The following RIMS1 variants were observed in gnomAD, a reference collection of about 807,000 sequenced individuals.
RIMS1 encodes regulating synaptic membrane exocytosis 1.
Under a neutral mutation model 214.1 loss-of-function variants are expected in RIMS1, and 83 were observed. The observed-to-expected ratio is 0.39, with a 90% CI of 0.32 to 0.47. RIMS1 has a LOEUF of 0.47. Among genes scored for constraint, RIMS1 ranks in the 20% least tolerant of loss-of-function variants. The pLI is 0.99. For missense variants in RIMS1, 2,050 were observed against 2,161.8 expected (o/e 0.95, Z 1.03); for synonymous variants, 793 against 786.8 (o/e 1.01, Z -0.13).
chr6:72,278,570 G>T (rs192317954), intron 23 of RIMS1, among the ~76,000 whole-genome samples: 8 of 152,176 alleles, frequency 5.3e-5, no homozygotes, highest in African/African-American at 1.9e-4. Flanking sequence ...CAAAGTTAGT[G>T]TAGAACCACT....
At chr6:72,272,780 T>C (rs1011822224) in intron 22 of RIMS1, among the ~76,000 whole-genome samples, 2 of 152,120 alleles carry the variant, frequency 1.3e-5, no homozygotes, top group Non-Finnish European at 2.9e-5. Context: ...ACACCAAAAG[T>C]TTTAACACAA....
intron 10 of RIMS1, 110 bp from the exon 11 acceptor site, chr6:72,245,705 A>G (rs2069187656): frequency 1.3e-6 from 1 of 761,932 alleles, no homozygotes; most frequent in African/African-American, 1.7e-5. Flanking sequence ...ATTCATTTCC[A>G]CACCTGTAAA....
At chr6:72,379,258 G>T (rs1230704161) in intron 29 of RIMS1, among the ~76,000 whole-genome samples, 1 of 152,188 alleles carries the variant, frequency 6.6e-6, no homozygotes, top group Non-Finnish European at 1.5e-5. Flanking sequence ...CTGTTATGGC[G>T]ACTCCTTTAT....
chr6:71,902,634 G>C (rs1774013755), intron 1 of RIMS1, among the ~76,000 whole-genome samples: 1 of 151,976 alleles, frequency 6.6e-6, no homozygotes, highest in African/African-American at 2.4e-5. Context: ...CCACCTCCTA[G>C]ATATTAAGCT....
intron 2 of RIMS1, among the ~76,000 whole-genome samples, chr6:72,080,433 A>C (rs1371922829): frequency 6.6e-6 from 1 of 152,114 alleles, no homozygotes; most frequent in Non-Finnish European, 1.5e-5. Flanking sequence ...TGTAAGCTGG[A>C]TTATTGCCAG....
At chr6:72,132,263 T>C (rs2496549) in intron 4 of RIMS1, among the ~76,000 whole-genome samples, 4,051 of 152,290 alleles carry the variant, frequency 0.027, 71 homozygotes, top group Middle Eastern at 0.068. Context: ...AGTTTAGAGA[T>C]TGCAGTAAAG....
rs189128507 is a variant in RIMS1, at chr6:72,126,480, C to T, written c.471+26494C>T. ...AAAAGAAATAATCAGCAGAGTAAGC[C>T]GACAACCCACAAAATAGGGGAAGAG... On this transcript the variant is annotated intron_variant, in intron 4 of 33. Coordinates refer to ENST00000521978, the MANE Select transcript of RIMS1 (RefSeq NM_014989.7). Among the ~76,000 whole-genome samples the T allele has an allele frequency of 2.2e-3, 338 of 151,662 alleles. 3 individuals carry two copies. The highest frequency in any genetic ancestry group is 7.1e-3 in the African/African-American group (292 of 41,356).
intron 1 of RIMS1, among the ~76,000 whole-genome samples, chr6:71,950,181 C>T (rs540049941): frequency 6.6e-6 from 1 of 152,162 alleles, no homozygotes; most frequent in Non-Finnish European, 1.5e-5. Flanking sequence ...AAACAGACAT[C>T]ATTGATTATC....
chr6:72,236,075 G>A (rs45501394), intron 8 of RIMS1, among the ~76,000 whole-genome samples: 1,696 of 152,068 alleles, frequency 0.011, 10 homozygotes, highest in Non-Finnish European at 0.017. Flanking sequence ...GTACTTAATA[G>A]TGCTGTCTTA....
intron 6 of RIMS1, among the ~76,000 whole-genome samples, chr6:72,198,993 T>C (rs2051462621): frequency 6.6e-6 from 1 of 151,860 alleles, no homozygotes; most frequent in Non-Finnish European, 1.5e-5. Flanking sequence ...CAAGAAATAG[T>C]AGAACTAACC....
intron 6 of RIMS1, among the ~76,000 whole-genome samples, chr6:72,216,192 A>T (rs2055916540): frequency 6.6e-6 from 1 of 152,234 alleles, no homozygotes. Context: ...GTTCTGTAAC[A>T]CAAAATATGG....
chr6:71,909,909 C>T (rs997002912), intron 1 of RIMS1, among the ~76,000 whole-genome samples: 4 of 152,272 alleles, frequency 2.6e-5, no homozygotes, highest in African/African-American at 7.2e-5. Flanking sequence ...CCTGTCTGCC[C>T]TCCTCTCATA....
At chr6:71,965,213 G>A (rs1245430203) in intron 1 of RIMS1, among the ~76,000 whole-genome samples, 1 of 152,056 alleles carries the variant, frequency 6.6e-6, no homozygotes, top group Non-Finnish European at 1.5e-5. Flanking sequence ...GCCGCTTCCT[G>A]CACAGTAACT....
chr6:72,331,754 A>C (rs1003281109), intron 28 of RIMS1, among the ~76,000 whole-genome samples: 2 of 151,892 alleles, frequency 1.3e-5, no homozygotes, highest in African/African-American at 4.8e-5. Flanking sequence ...CATAAAATGC[A>C]TAGCAAAATT....
intron 3 of RIMS1, 127 bp from the exon 4 acceptor site, chr6:72,099,848 T>C: frequency 1.4e-6 from 1 of 697,392 alleles, no homozygotes; most frequent in South Asian, 1.7e-5. Flanking sequence ...AAAATAGTTG[T>C]GCTTTAATAC....
chr6:72,216,316 G>T (rs2056002288), intron 6 of RIMS1: 1 of 276,026 alleles, frequency 3.6e-6, no homozygotes, highest in Non-Finnish European at 5.5e-6. Context: ...TCAAAAATAT[G>T]CATCTTTAAA....
intron 26 of RIMS1, among the ~76,000 whole-genome samples, chr6:72,296,579 A>G (rs2094117175): frequency 6.6e-6 from 1 of 151,954 alleles, no homozygotes; most frequent in Admixed American, 6.6e-5. Context: ...TTCCCCCTAC[A>G]GTCATATGCT....
intron 2 of RIMS1, among the ~76,000 whole-genome samples, chr6:72,075,170 C>A (rs1831491913): frequency 6.6e-6 from 1 of 152,082 alleles, no homozygotes; most frequent in African/African-American, 2.4e-5. Flanking sequence ...CAGCCTCGAC[C>A]TTCTGGGCTC....
chr6:72,042,133 A>G (rs1280682816), intron 2 of RIMS1, among the ~76,000 whole-genome samples: 1 of 151,926 alleles, frequency 6.6e-6, no homozygotes, highest in African/African-American at 2.4e-5. Flanking sequence ...ATAACACACA[A>G]TATTGGTATT....
Sources: allele counts gnomAD v4.1 joint callset (sites outside exome capture counted in the v4.1 genomes callset), GRCh38; gene constraint gnomAD v4.1.1; transcripts MANE v1.5; gene names NCBI Gene and HGNC (gene_info 2026-07-23, HGNC 2026-07-21).